CEP192: variants seen among roughly 807,000 people sequenced by gnomAD.
CEP192 encodes the protein centrosomal protein 192, also known as centrosomal protein of 192 kDa.
CEP192 carries 151 observed loss-of-function variants against 271.8 expected under a neutral mutation model. The ratio of observed to expected loss-of-function variants is 0.56; its 90% CI spans 0.49 to 0.64. The LOEUF (loss-of-function observed/expected upper bound fraction) is 0.64, where lower values mean the gene tolerates loss of function less well. CEP192 is among the 30% of genes least tolerant of loss of function. The pLI is 0.00. For synonymous variants in CEP192, 995 were observed against 1,076.5 expected (o/e 0.92, Z 1.48); for missense variants, 2,910 against 3,020.5 (o/e 0.96, Z 0.86).
At chr18:13,026,990 A>G (rs908716880) in intron 9 of CEP192, among the ~76,000 whole-genome samples, 2 of 152,084 alleles carry the variant, frequency 1.3e-5, no homozygotes, top group South Asian at 2.1e-4. Flanking sequence ...TAAAAGAACT[A>G]CTGTAAATAG....
chr18:13,107,666 A>G (rs1313312954), intron 40 of CEP192, among the ~76,000 whole-genome samples: 1 of 152,208 alleles, frequency 6.6e-6, no homozygotes, highest in Admixed American at 6.5e-5. Flanking sequence ...GGTATGTATG[A>G]TGTGAGCAGC....
chr18:13,081,325 G>A (rs1327055228), intron 30 of CEP192, among the ~76,000 whole-genome samples: 1 of 152,122 alleles, frequency 6.6e-6, no homozygotes, highest in Non-Finnish European at 1.5e-5. Context: ...CCTGTTATTG[G>A]TCTATTTAGA....
At chr18:13,001,389 A>G (rs1225615617) in intron 2 of CEP192, 68 bp from the exon 3 acceptor site, 5 of 1,146,270 alleles carry the variant, frequency 4.4e-6, no homozygotes, top group East Asian at 5.2e-5. Flanking sequence ...ACGCAGCCCT[A>G]TGTCATGATG....
intron 18 of CEP192, among the ~76,000 whole-genome samples, 161 bp downstream of exon 18, chr18:13,053,251 C>A (rs1486618035): frequency 6.6e-6 from 1 of 152,212 alleles, no homozygotes; most frequent in Admixed American, 6.5e-5. Flanking sequence ...AATACCTACT[C>A]ATGCTGGTAG....
chr18:13,062,946 T>A lies in CEP192; in HGVS notation c.4488+3634T>A, dbSNP rs189796805. On this transcript the variant is annotated intron_variant, in intron 21 of 44. Transcript: ENST00000506447. ...ATGTCTGTAAGTTCAATTGATTTGA[T>A]TTTTAGAAACCAGAAATAAGTGAGA... Among the ~76,000 whole-genome samples the A allele has an allele frequency of 7.4e-4, 113 of 152,314 alleles. 4 individuals are homozygous for A. In the East Asian group the frequency reaches 0.021, roughly 28 times the overall value.
chr18:13,099,510 T>A lies in CEP192; in HGVS notation c.6592T>A (p.Ser2198Thr). The change falls in exon 37 of 45, where the codon TCC (serine) becomes ACC (threonine). Residue 2198 changes from serine (S) to threonine (T), a missense_variant. Coordinates refer to ENST00000506447, the MANE Select transcript of CEP192 (RefSeq NM_032142.4). ...KLQILVSPNSSLSTKQSMFPW... is the reference protein window; with the variant it reads ...KLQILVSPNSTLSTKQSMFPW... ...ACAAATTCTTGTGAGTCCTAATTCC[T>A]CCTTATCCACAAAACAGTCAATGTT... 2 of 1,600,474 alleles carry A rather than the reference T, an allele frequency of 1.2e-6. No homozygotes were observed. Among genetic ancestry groups the A allele is most frequent in the East Asian group, 2.2e-5 (1 of 44,786 alleles).
intron 11 of CEP192, among the ~76,000 whole-genome samples, chr18:13,031,059 G>A (rs2035592682): frequency 6.6e-6 from 1 of 152,034 alleles, no homozygotes; most frequent in African/African-American, 2.4e-5. Flanking sequence ...AAAGAAACAG[G>A]TTGTTGATTA....
At chr18:13,082,576 A>G (rs368748678) in intron 30 of CEP192, among the ~76,000 whole-genome samples, 6 of 150,526 alleles carry the variant, frequency 4.0e-5, no homozygotes, top group East Asian at 2.0e-4. Flanking sequence ...TCTTTATCCA[A>G]TTTGCCAGTC....
At position 12,993,659 on chromosome 18, in the gene CEP192, A is replaced by G. The variant is rs542218430; in HGVS notation, c.-5+2222A>G. ...CCACCAGGAGGTGGAATTAGTGCAG[A>G]GGAAAGAATACCCTGGGGCCAGACT... On this transcript the variant is annotated intron_variant, in intron 1 of 44. Coordinates refer to ENST00000506447, the MANE Select transcript of CEP192 (RefSeq NM_032142.4). Among the ~76,000 whole-genome samples, 137 of 152,270 alleles carry G rather than the reference A, an allele frequency of 9.0e-4. 2 individuals are homozygous for G. Among genetic ancestry groups the G allele is most frequent in the South Asian group, 2.3e-3 (11 of 4,832 alleles).
chr18:13,124,236 T>C (rs1437352500), intron 44 of CEP192, among the ~76,000 whole-genome samples: 1 of 152,152 alleles, frequency 6.6e-6, no homozygotes, highest in Admixed American at 6.5e-5. Flanking sequence ...ACAAGTTGTT[T>C]TAATCTTTCC....
chr18:13,018,464 G>T lies in CEP192; in HGVS notation c.790-16G>T. The T allele has an allele frequency of 1.4e-6, 2 of 1,475,062 alleles. No individual in the cohort carries two copies. Among genetic ancestry groups the T allele is most frequent in the South Asian group, 2.6e-5 (2 of 75,890 alleles). The allele number at this position is 1,475,062 out of a possible 1,614,324, so 91.4% of individuals were successfully genotyped here. A position where few individuals can be genotyped will look rare whatever the true frequency, so the allele number is the denominator to read the frequency against. ...TAATTTAAAAGATTAATACAGCTAAGATATTCTTTCAACAGGCAAATGAAA... is the reference window on the plus strand; with the variant it reads ...TAATTTAAAAGATTAATACAGCTAATATATTCTTTCAACAGGCAAATGAAA... On this transcript the variant is annotated splice_polypyrimidine_tract_variant and intron_variant, in intron 7 of 44. Transcript: ENST00000506447.
intron 42 of CEP192, 135 bp downstream of exon 42, chr18:13,114,386 TCG>T (rs1464780638): frequency 2.2e-6 from 2 of 910,248 alleles, no homozygotes; most frequent in Non-Finnish European, 3.3e-6. Flanking sequence ...AATATTCCTC[TCG>T]CCCAGAAAGT....
Position 13,098,716 on chromosome 18 carries a change from G to A in CEP192, c.6558-760G>A, listed in dbSNP as rs1404392987. Among the ~76,000 whole-genome samples the A allele has an allele frequency of 6.0e-5, 9 of 150,768 alleles. 1 individual carries two copies. Among genetic ancestry groups the A allele is most frequent in the Admixed American group, 5.9e-4 (9 of 15,178 alleles). On this transcript the variant is annotated intron_variant, in intron 36 of 44. Transcript: ENST00000506447. ...CCAGACTGGGCAGCCAGGCAGAGGG[G>A]CCCCTCACATCCCAGATGATGGGCG...
At position 13,106,474 on chromosome 18, in the gene CEP192, CACT is replaced by C. The variant is rs1184373114; in HGVS notation, c.7047+1398_7047+1400del. Among the ~76,000 whole-genome samples the C allele has an allele frequency of 5.4e-5, 7 of 130,342 alleles. No individual in the cohort carries two copies. In the East Asian group the frequency reaches 8.9e-4, roughly 17 times the overall value. The allele number at this position is 130,342 out of a possible 152,430, so 85.5% of individuals were successfully genotyped here. A position where few individuals can be genotyped will look rare whatever the true frequency, so the allele number is the denominator to read the frequency against. ...CCACACCCCACAGAACTACCACCACCACTACCACTACTCACCACTGCCATCACC... is the reference window on the plus strand; with the variant it reads ...CCACACCCCACAGAACTACCACCACCACCACTACTCACCACTGCCATCACC... On this transcript the variant is annotated intron_variant, in intron 40 of 44. Coordinates refer to ENST00000506447, the MANE Select transcript of CEP192 (RefSeq NM_032142.4).
chr18:13,071,662 C>T (rs1220933703), intron 28 of CEP192, among the ~76,000 whole-genome samples: 1 of 152,112 alleles, frequency 6.6e-6, no homozygotes, highest in African/African-American at 2.4e-5. Flanking sequence ...AATGGAGCAC[C>T]GAAGGGAGAG....
chr18:13,103,417 A>T, intron 38 of CEP192, 92 bp from the exon 39 acceptor site: 1 of 925,330 alleles, frequency 1.1e-6, no homozygotes, highest in Non-Finnish European at 1.8e-6. Context: ...GGGGTTTTTT[A>T]ACCCCAGTAT....
At chr18:13,013,085 A>T in intron 5 of CEP192, 60 bp downstream of exon 5, 2 of 806,696 alleles carry the variant, frequency 2.5e-6, no homozygotes, top group Non-Finnish European at 4.0e-6. Context: ...AAAATTTCAT[A>T]TTTCGCATAT....
At chr18:13,064,547 G>A (rs1027135684) in intron 21 of CEP192, among the ~76,000 whole-genome samples, 15 of 150,840 alleles carry the variant, frequency 9.9e-5, no homozygotes, top group Admixed American at 2.0e-4. Flanking sequence ...GGGAGGCGGA[G>A]CTTGCAGTGA....
At chr18:13,091,777 C>G (rs148332242) in intron 33 of CEP192, among the ~76,000 whole-genome samples, 51 of 152,240 alleles carry the variant, frequency 3.3e-4, no homozygotes, top group African/African-American at 1.1e-3. Context: ...CTTGAACACT[C>G]TTTCATTAAT....
Sources: allele counts gnomAD v4.1 joint callset (sites outside exome capture counted in the v4.1 genomes callset), GRCh38; gene constraint gnomAD v4.1.1; transcripts MANE v1.5; gene names NCBI Gene and HGNC (gene_info 2026-07-23, HGNC 2026-07-21).